Variants in SNTG1 observed in about 807,000 individuals in gnomAD.
SNTG1 encodes syntrophin gamma 1.
SNTG1 carries 39 observed loss-of-function variants against 74.7 expected under a neutral mutation model. The ratio of observed to expected loss-of-function variants is 0.52; its 90% CI spans 0.40 to 0.68. SNTG1 has a LOEUF of 0.68. Among genes scored for constraint, SNTG1 ranks in the 30% least tolerant of loss-of-function variants. The pLI is 0.00. For missense variants in SNTG1, 685 were observed against 609.5 expected, an observed-to-expected ratio of 1.12 and a Z score of -1.30; for synonymous variants, 254 against 217.1, an observed-to-expected ratio of 1.17 and a Z score of -1.49.
intron 1 of SNTG1, among the ~76,000 whole-genome samples, chr8:49,966,544 G>A (rs1585693495): frequency 6.6e-6 from 1 of 151,714 alleles, no homozygotes; most frequent in South Asian, 2.1e-4. Flanking sequence ...ACAGGCACCC[G>A]CTACCACATC....
intron 1 of SNTG1, among the ~76,000 whole-genome samples, chr8:49,965,123 G>A (rs530608585): frequency 7.2e-5 from 11 of 152,026 alleles, no homozygotes; most frequent in South Asian, 6.2e-4. Context: ...GACCACACTC[G>A]TCTATTAAAT....
intron 2 of SNTG1, among the ~76,000 whole-genome samples, chr8:50,279,774 T>G (rs2130410346): frequency 6.6e-6 from 1 of 152,254 alleles, no homozygotes; most frequent in African/African-American, 2.4e-5. Flanking sequence ...GTACCATCCC[T>G]TGCTGAAACA....
chr8:50,003,563 A>AT (rs1448008038), intron 1 of SNTG1, among the ~76,000 whole-genome samples: 2 of 152,144 alleles, frequency 1.3e-5, no homozygotes, highest in South Asian at 4.1e-4. Context: ...TAATTATGGA[A>AT]TTTTTTGTCT....
At chr8:50,128,438 T>TA (rs1383948519) in intron 1 of SNTG1, among the ~76,000 whole-genome samples, 2 of 152,178 alleles carry the variant, frequency 1.3e-5, no homozygotes, top group Non-Finnish European at 2.9e-5. Flanking sequence ...AAAAGCAATT[T>TA]AAAAAGCATT....
chr8:49,936,864 C>G (rs1563368425), intron 1 of SNTG1, among the ~76,000 whole-genome samples: 1 of 152,108 alleles, frequency 6.6e-6, no homozygotes, highest in Non-Finnish European at 1.5e-5. Flanking sequence ...AAACAGTTAT[C>G]CTGGCTGGGT....
At chr8:50,674,380 G>C (rs1168497015) in intron 15 of SNTG1, among the ~76,000 whole-genome samples, 2 of 151,560 alleles carry the variant, frequency 1.3e-5, no homozygotes, top group African/African-American at 4.8e-5. Context: ...TCAGGGATTA[G>C]ACTTTTCCTG....
intron 4 of SNTG1, among the ~76,000 whole-genome samples, chr8:50,406,702 A>G (rs2092880280): frequency 6.6e-6 from 1 of 152,112 alleles, no homozygotes; most frequent in Admixed American, 6.6e-5. Context: ...GTAGTTGTCT[A>G]CTATTCCTAG....
chr8:50,036,204 T>G (rs1818146965), intron 1 of SNTG1, among the ~76,000 whole-genome samples: 1 of 152,170 alleles, frequency 6.6e-6, no homozygotes, highest in Admixed American at 6.5e-5. Flanking sequence ...ACATACATTA[T>G]CTCTCTTAAA....
At chr8:50,207,009 A>G (rs1160086468) in intron 2 of SNTG1, among the ~76,000 whole-genome samples, 1 of 152,018 alleles carries the variant, frequency 6.6e-6, no homozygotes, top group African/African-American at 2.4e-5. Context: ...TTCATCAGGG[A>G]TATTGGTCTA....
At chr8:50,236,249 G>A (rs975160346) in intron 2 of SNTG1, among the ~76,000 whole-genome samples, 39 of 152,088 alleles carry the variant, frequency 2.6e-4, no homozygotes, top group Non-Finnish European at 5.1e-4. Context: ...ACATTAAGAA[G>A]ATAAAATTTT....
At chr8:50,565,919 C>A (rs1340593010) in intron 12 of SNTG1, among the ~76,000 whole-genome samples, 3 of 151,212 alleles carry the variant, frequency 2.0e-5, no homozygotes, top group Admixed American at 1.3e-4. Context: ...ATAAAAGGTA[C>A]CTATTCAGGA....
At chr8:50,193,884 A>G (rs2083668394) in intron 2 of SNTG1, among the ~76,000 whole-genome samples, 1 of 152,046 alleles carries the variant, frequency 6.6e-6, no homozygotes, top group Non-Finnish European at 1.5e-5. Context: ...TCATAAAGAG[A>G]TGCTGGATTT....
At chr8:49,937,678 A>C (rs1808210533) in intron 1 of SNTG1, among the ~76,000 whole-genome samples, 1 of 152,208 alleles carries the variant, frequency 6.6e-6, no homozygotes, top group Non-Finnish European at 1.5e-5. Flanking sequence ...TAGTGAACAA[A>C]TGATTAGGCT....
At chr8:50,412,147 T>C (rs2131401725) in intron 4 of SNTG1, among the ~76,000 whole-genome samples, 1 of 152,342 alleles carries the variant, frequency 6.6e-6, no homozygotes, top group Non-Finnish European at 1.5e-5. Context: ...ATATTAAGGA[T>C]ATTTATCTTA....
At chr8:50,448,837 A>C (rs1247249215) in intron 5 of SNTG1, among the ~76,000 whole-genome samples, 1 of 152,064 alleles carries the variant, frequency 6.6e-6, no homozygotes, top group African/African-American at 2.4e-5. Context: ...GATGGAAACT[A>C]TCCTGGCTAA....
chr8:50,533,515 A>T (rs925249324), intron 10 of SNTG1, among the ~76,000 whole-genome samples: 3 of 152,208 alleles, frequency 2.0e-5, no homozygotes, highest in African/African-American at 7.2e-5. Context: ...GGTTCTCAAA[A>T]GCACAAAAGT....
chr8:50,390,345 T>C (rs1161331942), intron 2 of SNTG1, among the ~76,000 whole-genome samples: 1 of 152,248 alleles, frequency 6.6e-6, no homozygotes, highest in Non-Finnish European at 1.5e-5. Context: ...TAGGGAATCG[T>C]TTCCCCATTT....
chr8:49,962,472 G>A (rs528280355), intron 1 of SNTG1, among the ~76,000 whole-genome samples: 1 of 151,946 alleles, frequency 6.6e-6, no homozygotes, highest in Non-Finnish European at 1.5e-5. Context: ...TCATCATGAG[G>A]AAAGAGCTCT....
At chr8:50,628,008 C>T (rs1408944014) in intron 13 of SNTG1, among the ~76,000 whole-genome samples, 5 of 152,188 alleles carry the variant, frequency 3.3e-5, no homozygotes, top group Non-Finnish European at 7.3e-5. Context: ...TCCTAACCTT[C>T]TAATCAAGCC....
Sources: allele counts gnomAD v4.1 joint callset (sites outside exome capture counted in the v4.1 genomes callset), GRCh38; gene constraint gnomAD v4.1.1; transcripts MANE v1.5; gene names NCBI Gene and HGNC (gene_info 2026-07-23, HGNC 2026-07-21).